Variants in KDM4C observed in about 807,000 individuals in gnomAD.
KDM4C encodes lysine-specific demethylase 4C.
KDM4C carries 81 observed loss-of-function variants against 129.3 expected under a neutral mutation model. The ratio of observed to expected loss-of-function variants is 0.63; its 90% CI spans 0.52 to 0.75. KDM4C has a LOEUF of 0.75. KDM4C is among the 30% of genes least tolerant of loss of function. The pLI, the probability that KDM4C is intolerant of heterozygous loss-of-function variation, is 0.00. For synonymous variants in KDM4C, 573 were observed against 456.1 expected, an observed-to-expected ratio of 1.26 and a Z score of -3.26; for missense variants, 1,457 against 1,304.0, an observed-to-expected ratio of 1.12 and a Z score of -1.81.
intron 8 of KDM4C, among the ~76,000 whole-genome samples, chr9:6,958,827 C>T (rs1457490248): frequency 6.6e-6 from 1 of 151,932 alleles, no homozygotes; most frequent in Non-Finnish European, 1.5e-5. Context: ...CACCACCACA[C>T]TGGCTAATTT....
chr9:7,004,169 A>C (rs1372636243), intron 12 of KDM4C, among the ~76,000 whole-genome samples: 2 of 152,238 alleles, frequency 1.3e-5, no homozygotes, highest in East Asian at 3.8e-4. Context: ...AAGTCCTGGC[A>C]GCAGCCCTTT....
At chr9:6,744,355 C>G (rs1021007576) in intron 1 of KDM4C, among the ~76,000 whole-genome samples, 2 of 152,028 alleles carry the variant, frequency 1.3e-5, no homozygotes, top group African/African-American at 4.8e-5. Context: ...GAAACCGCAT[C>G]TCTACTAAAA....
chr9:6,939,788 G>T (rs529888605), intron 8 of KDM4C, among the ~76,000 whole-genome samples: 10 of 152,316 alleles, frequency 6.6e-5, no homozygotes, highest in African/African-American at 2.4e-4. Flanking sequence ...CACGTGGGTG[G>T]TCAGCAAGTG....
rs181510420 is a variant in KDM4C, at chr9:6,780,204, T to C, written c.-17-12768T>C. On this transcript the variant is annotated intron_variant, in intron 1 of 21. Transcript: ENST00000381309. Reference sequence around the variant, plus strand: ...TCCCATCCAGTTTATGCCAGCTGTGTAAGTATGAGATATAATTAAAAATTA... The same window carrying C: ...TCCCATCCAGTTTATGCCAGCTGTGCAAGTATGAGATATAATTAAAAATTA... 2.0e-5 allele frequency among the ~76,000 whole-genome samples: 3 copies of C among 152,254 alleles called. No homozygotes were observed. In the East Asian group the frequency reaches 5.8e-4, roughly 29 times the overall value.
At chr9:6,852,797 C>A (rs977833913) in intron 5 of KDM4C, among the ~76,000 whole-genome samples, 1 of 152,156 alleles carries the variant, frequency 6.6e-6, no homozygotes, top group Non-Finnish European at 1.5e-5. Context: ...GCCTACGATT[C>A]CCTCCTTACT....
At chr9:7,027,399 G>T (rs1431531853) in intron 15 of KDM4C, among the ~76,000 whole-genome samples, 1 of 152,174 alleles carries the variant, frequency 6.6e-6, no homozygotes, top group Non-Finnish European at 1.5e-5. Context: ...ACTAGGCAGG[G>T]ACTCTTGTTC....
At position 7,174,642 on chromosome 9, in the gene KDM4C, C is replaced by T; in HGVS notation, c.3084C>T (p.Ser1028=). 6.2e-7 allele frequency: 1 copy of T among 1,614,058 alleles called. No homozygotes were observed. Among genetic ancestry groups the T allele is most frequent in the Non-Finnish European group, 8.5e-7 (1 of 1,179,922 alleles). The change falls in exon 22 of 22, where the codon TCC becomes TCT. Residue 1028 remains serine (S), a synonymous_variant. Transcript: ENST00000381309. ...GAAAGAGACAAAGAGTGCTGAGCTC[C>T]AGGTTTAAGAATGAATATGTGGCCG... ...GERKRQRVLS[S]RFKNEYVADP...
intron 1 of KDM4C, among the ~76,000 whole-genome samples, chr9:6,778,386 T>C (rs1823557933): frequency 6.6e-6 from 1 of 151,018 alleles, no homozygotes; most frequent in South Asian, 2.1e-4. Context: ...CACCCCACCA[T>C]TCCTGGGTTT....
chr9:6,843,169 T>C (rs1298802468), intron 4 of KDM4C, among the ~76,000 whole-genome samples: 1 of 152,146 alleles, frequency 6.6e-6, no homozygotes, highest in Non-Finnish European at 1.5e-5. Flanking sequence ...CCTCAGGTGA[T>C]CCTCCCATCT....
chr9:7,064,950 T>C (rs1393213391), intron 17 of KDM4C, among the ~76,000 whole-genome samples: 1 of 152,206 alleles, frequency 6.6e-6, no homozygotes, highest in Admixed American at 6.5e-5. Context: ...TTGAAGTCTC[T>C]TGTATATTCT....
At chr9:6,857,552 A>G (rs1403815746) in intron 5 of KDM4C, among the ~76,000 whole-genome samples, 1 of 152,164 alleles carries the variant, frequency 6.6e-6, no homozygotes, top group Non-Finnish European at 1.5e-5. Context: ...GGAACCATCC[A>G]GGATATCTAG....
chr9:7,029,321 G>T lies in KDM4C; in HGVS notation c.2259+13392G>T, dbSNP rs7850625. 4.5e-3 allele frequency among the ~76,000 whole-genome samples: 633 copies of T among 140,934 alleles called. 2 individuals carry two copies. Among genetic ancestry groups the T allele is most frequent in the African/African-American group, 0.015 (587 of 39,148 alleles). 92.5% of individuals were successfully genotyped at this position (140,934 alleles called of 152,430 possible). On this transcript the variant is annotated intron_variant, in intron 15 of 21. Transcript: ENST00000381309. ...TTTTTTTTTTTTTTTTGCCTATACT[G>T]AAAATTGTTAAGGCTAAGTATTTCT...
Position 6,820,941 on chromosome 9 carries a change from A to C in KDM4C, c.435+6196A>C, listed in dbSNP as rs924711323. Among the ~76,000 whole-genome samples, 3 of 150,974 alleles carry C rather than the reference A, an allele frequency of 2.0e-5. 1 individual carries two copies. The highest frequency in any genetic ancestry group is 6.6e-5 in the Admixed American group (1 of 15,146). Reference sequence around the variant, plus strand: ...TGTGTCCAAGTGATCTCATTGTTCAATTCCCACCTATGAGTAAGAACATGC... The same window carrying C: ...TGTGTCCAAGTGATCTCATTGTTCACTTCCCACCTATGAGTAAGAACATGC... On this transcript the variant is annotated intron_variant, in intron 4 of 21. Coordinates refer to ENST00000381309, the MANE Select transcript of KDM4C (RefSeq NM_015061.6).
intron 15 of KDM4C, among the ~76,000 whole-genome samples, chr9:7,044,983 A>G (rs1829185938): frequency 1.3e-5 from 2 of 151,976 alleles, no homozygotes; most frequent in African/African-American, 4.8e-5. Flanking sequence ...TGGTGCTAAG[A>G]GGTCAGGTGA....
intron 15 of KDM4C, among the ~76,000 whole-genome samples, chr9:7,016,425 CTTTTTTTTTT>C (rs759501262): frequency 9.7e-6 from 1 of 102,726 alleles, no homozygotes; most frequent in Non-Finnish European, 1.8e-5. Flanking sequence ...CTGTTCCTGG[CTTTTTTTTTT>C]TTTTTTTTTG....
At chr9:6,947,585 C>A (rs577128664) in intron 8 of KDM4C, among the ~76,000 whole-genome samples, 1 of 151,750 alleles carries the variant, frequency 6.6e-6, no homozygotes, top group African/African-American at 2.4e-5. Context: ...TTTTGTAAAC[C>A]CATCTAGTAT....
At chr9:6,746,245 A>G (rs897739061) in intron 1 of KDM4C, among the ~76,000 whole-genome samples, 38 of 107,762 alleles carry the variant, frequency 3.5e-4, no homozygotes, top group African/African-American at 1.4e-3. Flanking sequence ...CCAGCCAGCC[A>G]TTATATATAT....
At chr9:7,006,872 T>C (rs1221052031) in intron 12 of KDM4C, among the ~76,000 whole-genome samples, 1 of 152,234 alleles carries the variant, frequency 6.6e-6, no homozygotes, top group African/African-American at 2.4e-5. Flanking sequence ...AATTTCAGTC[T>C]ATTGTGTATA....
At chr9:6,928,116 T>A (rs1334753630) in intron 8 of KDM4C, among the ~76,000 whole-genome samples, 1 of 152,224 alleles carries the variant, frequency 6.6e-6, no homozygotes, top group East Asian at 1.9e-4. Context: ...CAAGGTCGTC[T>A]CTAGGCCAAA....
Sources: gnomAD v4.1 joint callset for allele counts (sites outside exome capture counted in the v4.1 genomes callset) on GRCh38, gnomAD v4.1.1 for gene constraint, MANE v1.5 for transcripts, NCBI Gene and HGNC (gene_info 2026-07-23, HGNC 2026-07-21) for gene names.